STK36: variants seen among roughly 807,000 people sequenced by gnomAD.
STK36 encodes the protein serine/threonine-protein kinase 36.
In STK36, 116 loss-of-function variants were observed where a neutral mutation model predicts 142.2. The ratio of observed to expected loss-of-function variants is 0.82; its 90% CI spans 0.70 to 0.95. The LOEUF is 0.95. Ranked by LOEUF, STK36 falls within the 40% of genes least tolerant of loss-of-function variation. The probability of loss-of-function intolerance (pLI) is 0.00; values close to 1 mark genes in which losing one functional copy is unlikely to be tolerated. For synonymous variants in STK36, 619 were observed against 641.7 expected (o/e 0.96, Z 0.53); for missense variants, 1,422 against 1,617.2 (o/e 0.88, Z 2.07).
intron 11 of STK36, chr2:218,688,365 C>T (rs1380137743): frequency 1.8e-5 from 9 of 498,440 alleles, no homozygotes; most frequent in Admixed American, 4.6e-5. Context: ...GAAGCATGTG[C>T]GGTGCACGTG....
intron 7 of STK36, 112 bp downstream of exon 7, chr2:218,679,373 C>A: frequency 7.8e-7 from 1 of 1,284,566 alleles, no homozygotes; most frequent in Non-Finnish European, 1.1e-6. Context: ...CCTCCAGCAG[C>A]TTGAACTTTC....
At chr2:218,693,607 T>C in intron 17 of STK36, 116 bp from the exon 18 acceptor site, 3 of 1,018,050 alleles carry the variant, frequency 2.9e-6, no homozygotes, top group Non-Finnish European at 2.9e-6. Context: ...TCTCTCACAC[T>C]CCCAAGTGTG....
chr2:218,672,097 ATGG>A lies in STK36; in HGVS notation c.-207_-205del. Reference sequence around the variant, plus strand: ...GACTCCGGGTCCTTAGCCGGGCCTGATGGCCCTGAGGCAGTTCGGATGTGTCCC... The same window carrying A: ...GACTCCGGGTCCTTAGCCGGGCCTGACCCTGAGGCAGTTCGGATGTGTCCC... On this transcript the variant is annotated 5_prime_UTR_variant, in exon 1 of 27. An upstream start codon of the reference 5' UTR is lost. Coordinates refer to ENST00000295709, the MANE Select transcript of STK36 (RefSeq NM_015690.5). The A allele has an allele frequency of 8.3e-7, 1 of 1,201,122 alleles. No individual in the cohort carries two copies. The highest frequency in any genetic ancestry group is 1.2e-6 in the Non-Finnish European group (1 of 828,566). 74.4% of individuals were successfully genotyped at this position (1,201,122 alleles called of 1,614,324 possible).
At chr2:218,700,080 G>A (rs1941388794) in intron 26 of STK36, among the ~76,000 whole-genome samples, 1 of 151,932 alleles carries the variant, frequency 6.6e-6, no homozygotes. Flanking sequence ...GTGCCACCAC[G>A]CCTGGCTAAT....
At chr2:218,681,761 G>T (rs1279955815) in intron 10 of STK36, among the ~76,000 whole-genome samples, 1 of 152,126 alleles carries the variant, frequency 6.6e-6, no homozygotes, top group African/African-American at 2.4e-5. Context: ...ACTCACTCCT[G>T]CAAGGCCTTC....
chr2:218,678,796 G>A (rs955705729), intron 6 of STK36, among the ~76,000 whole-genome samples: 4 of 152,208 alleles, frequency 2.6e-5, no homozygotes, highest in African/African-American at 4.8e-5. Flanking sequence ...CAAAGGGAGG[G>A]CAGCGTGAAT....
At chr2:218,700,231 A>C (rs1400484042) in intron 26 of STK36, among the ~76,000 whole-genome samples, 2 of 149,982 alleles carry the variant, frequency 1.3e-5, no homozygotes, top group Non-Finnish European at 3.0e-5. Flanking sequence ...TTGAGACTGA[A>C]TATCACTCGT....
rs758732570 is a variant in STK36 at position 218,679,666 on chromosome 2, G to A, written c.885G>A (p.Lys295=). 6.2e-7 allele frequency: 1 copy of A among 1,614,176 alleles called. No individual in the cohort carries two copies. Among genetic ancestry groups the A allele is most frequent in the Non-Finnish European group, 8.5e-7 (1 of 1,180,036 alleles). ...AACAGGCCCATCGGTTGGCCCCCAAGGGTAATCAGTCTCGCATCTTGACTC... is the reference window on the plus strand; with the variant it reads ...AACAGGCCCATCGGTTGGCCCCCAAAGGTAATCAGTCTCGCATCTTGACTC... ...KDEQAHRLAP[K]GNQSRILTQA... The change falls in exon 8 of 27, where the codon AAG becomes AAA. Residue 295 remains lysine, a synonymous_variant. Transcript: ENST00000295709.
chr2:218,673,277 G>A (rs76977860), intron 2 of STK36: 6,738 of 380,310 alleles, frequency 0.018, 392 homozygotes, highest in African/African-American at 0.13. Context: ...TTAGTCTCTA[G>A]CACACCATGT....
chr2:218,685,267 G>C, intron 11 of STK36, 39 bp downstream of exon 11: 1 of 1,608,576 alleles, frequency 6.2e-7, no homozygotes, highest in Non-Finnish European at 8.5e-7. Flanking sequence ...GATCAAGACT[G>C]TTTTCACAGA....
chr2:218,680,876 T>A (rs1940486727), intron 10 of STK36, among the ~76,000 whole-genome samples, 174 bp downstream of exon 10: 1 of 152,220 alleles, frequency 6.6e-6, no homozygotes, highest in African/African-American at 2.4e-5. Context: ...ATATAATTAT[T>A]TAAAATGGAA....
intron 13 of STK36, 76 bp from the exon 14 acceptor site, chr2:218,690,374 C>A: frequency 8.3e-7 from 1 of 1,198,664 alleles, no homozygotes; most frequent in Non-Finnish European, 1.2e-6. Flanking sequence ...TCCTACCTGC[C>A]CAGGACTGAC....
intron 21 of STK36, 64 bp from the exon 22 acceptor site, chr2:218,696,463 C>T: frequency 7.0e-7 from 1 of 1,427,848 alleles, no homozygotes; most frequent in East Asian, 2.3e-5. Flanking sequence ...CACTGACCTG[C>T]CTTGGTTTAA....
chr2:218,675,606 C>T, intron 5 of STK36, 133 bp downstream of exon 5: 4 of 1,096,390 alleles, frequency 3.6e-6, no homozygotes, highest in East Asian at 2.7e-5. Context: ...CTCACCACAA[C>T]CTCTGCCTCC....
Position 218,675,335 on chromosome 2 carries a change from A to C in STK36, c.304-8A>C. 6.3e-7 allele frequency: 1 copy of C among 1,587,124 alleles called. No homozygotes were observed. ...TTTTTTTCTTTCTTCCACCTCTTTA[A>C]TTTCTAGGTTCAGGCCATTGCTGCC... On this transcript the variant is annotated splice_polypyrimidine_tract_variant and splice_region_variant and intron_variant, in intron 4 of 26. Transcript: ENST00000295709.
intron 9 of STK36, 145 bp downstream of exon 9, chr2:218,680,225 G>C (rs1246906116): frequency 1.3e-6 from 1 of 761,926 alleles, no homozygotes; most frequent in Non-Finnish European, 2.1e-6. Flanking sequence ...TGGATTCTTG[G>C]ATTCTAATTA....
chr2:218,675,520 C>CTT lies in STK36; in HGVS notation c.434+67_434+68dup, dbSNP rs33970984. ...CTAAGCTTCCAGTTCCACACGGAATCTTTTTTTTTTTTTTTTTTTTTGAGA... is the reference window on the plus strand; with the variant it reads ...CTAAGCTTCCAGTTCCACACGGAATCTTTTTTTTTTTTTTTTTTTTTTTGAGA... On this transcript the variant is annotated intron_variant, in intron 5 of 26. Coordinates refer to ENST00000295709, the MANE Select transcript of STK36 (RefSeq NM_015690.5). 4.2e-3 allele frequency: 4,833 copies of CTT among 1,141,238 alleles called. 2 individuals are homozygous for CTT. The highest frequency in any genetic ancestry group is 7.2e-3 in the South Asian group (436 of 60,440). The allele number at this position is 1,141,238 out of a possible 1,614,324, so 70.7% of individuals were successfully genotyped here.
intron 6 of STK36, among the ~76,000 whole-genome samples, chr2:218,678,233 A>T (rs1479150889): frequency 6.6e-6 from 1 of 152,198 alleles, no homozygotes; most frequent in African/African-American, 2.4e-5. Context: ...TACAAGCATG[A>T]GCCACTGCAC....
chr2:218,702,095 T>C lies in STK36; in HGVS notation c.*86T>C, dbSNP rs1941463569. The C allele has an allele frequency of 1.3e-6, 2 of 1,509,764 alleles. No individual in the cohort carries two copies. The highest frequency in any genetic ancestry group is 1.8e-6 in the Non-Finnish European group (2 of 1,121,644). The allele number at this position is 1,509,764 out of a possible 1,614,324, so 93.5% of individuals were successfully genotyped here. The stretch of plus-strand genomic sequence containing the variant: ...ACAAGCCGCCAACTCAACTGAGAGC[T>C]AAAGAGACTAGAAAAGAGATAAGCT... On this transcript the variant is annotated 3_prime_UTR_variant, in exon 27 of 27. Transcript: ENST00000295709.
Sources: gnomAD v4.1 joint callset for allele counts (sites outside exome capture counted in the v4.1 genomes callset) on GRCh38, gnomAD v4.1.1 for gene constraint, MANE v1.5 for transcripts, NCBI Gene and HGNC (gene_info 2026-07-23, HGNC 2026-07-21) for gene names.